The following AHRR variants were observed in gnomAD, a reference collection of about 807,000 sequenced individuals.
AHRR encodes ahR repressor.
Under a neutral mutation model 44.0 loss-of-function variants are expected in AHRR, and 28 were observed. The ratio of observed to expected loss-of-function variants is 0.64; its 90% confidence interval spans 0.47 to 0.87. The LOEUF is 0.87. Ranked by LOEUF, AHRR falls within the 40% of genes least tolerant of loss-of-function variation. AHRR has a pLI of 0.00. For synonymous variants in AHRR, 434 were observed against 407.0 expected, an observed-to-expected ratio of 1.07 and a Z score of -0.80; for missense variants, 990 against 953.9, an observed-to-expected ratio of 1.04 and a Z score of -0.50.
At chr5:354,002 T>G in intron 3 of AHRR, 91 bp downstream of exon 3, 1 of 1,380,354 alleles carries the variant, frequency 7.2e-7, no homozygotes, top group African/African-American at 1.4e-5. Flanking sequence ...GTGAAGTGTG[T>G]CTGGTGGGTT....
chr5:433,217 G>A (rs114653486), intron 10 of AHRR, among the ~76,000 whole-genome samples: 1,918 of 152,088 alleles, frequency 0.013, 40 homozygotes, highest in African/African-American at 0.043. Context: ...TCTGGGACCC[G>A]CCCTCACCTG....
At chr5:369,681 C>G (rs1222874630) in intron 3 of AHRR, among the ~76,000 whole-genome samples, 1 of 152,244 alleles carries the variant, frequency 6.6e-6, no homozygotes, top group Non-Finnish European at 1.5e-5. Flanking sequence ...TAAACCTTTC[C>G]TGTGCAGAAG....
intron 3 of AHRR, 68 bp from the exon 4 acceptor site, chr5:376,542 A>G (rs1733678044): frequency 5.0e-6 from 7 of 1,386,968 alleles, no homozygotes; most frequent in South Asian, 1.4e-5. Flanking sequence ...CACAGGAAAG[A>G]TGTGAATGAA....
In AHRR at chr5:432,709, A is replaced by G. The variant is rs995172911; in HGVS notation, c.971-97A>G. ...GGCTCTGGTCTGTGCATTTCTGAGG[A>G]GCCGATGGGTCCTGCCTTGCTGAGA... On this transcript the variant is annotated intron_variant, in intron 9 of 10. Coordinates refer to ENST00000684583, the MANE Select transcript of AHRR (RefSeq NM_001377236.1). The G allele has an allele frequency of 9.4e-6, 15 of 1,590,924 alleles. No individual in the cohort carries two copies. In the Admixed American group the frequency reaches 2.2e-4, roughly 23 times the overall value.
intron 3 of AHRR, among the ~76,000 whole-genome samples, chr5:374,148 G>C (rs1400352089): frequency 6.6e-6 from 1 of 152,114 alleles, no homozygotes; most frequent in Non-Finnish European, 1.5e-5. Flanking sequence ...GGGTGACCCA[G>C]GCGTGTGCCC....
chr5:383,803 G>C lies in AHRR; in HGVS notation c.351+7087G>C, dbSNP rs1393657793. On this transcript the variant is annotated intron_variant, in intron 4 of 10. Transcript: ENST00000684583. This position sits in a 1 kb window ranked among gnomAD's most constrained non-coding sequence, Gnocchi z 4.0. ...AGTCTAGAACTCTTGGCCTCAAGCT[G>C]TCCTCCCACCCCCGGCCTCCCAAAG... is the stretch of plus-strand genomic sequence containing the variant. Among the ~76,000 whole-genome samples the C allele has an allele frequency of 6.6e-6, 1 of 152,080 alleles. No individual in the cohort carries two copies. The highest frequency in any genetic ancestry group is 1.5e-5 in the Non-Finnish European group (1 of 68,016).
rs141147704 is a variant in AHRR, at chr5:428,199, G to C, written c.908+193G>C. Among the ~76,000 whole-genome samples the C allele has an allele frequency of 1.4e-3, 208 of 152,360 alleles. 13 individuals are homozygous for C. The East Asian group carries it at 0.019, about 14-fold the overall frequency. On this transcript the variant is annotated intron_variant, in intron 8 of 10. Transcript: ENST00000684583. ...AACAATGTTTTTCAAACTCGTATTT[G>C]CAAACTGGCACCAAACGTTGCCTGT...
At position 435,956 on chromosome 5, in the gene AHRR, C is replaced by G. The variant is rs1237089033; in HGVS notation, c.*1122C>G. On this transcript the variant is annotated 3_prime_UTR_variant, in exon 11 of 11. Transcript: ENST00000684583. ...CCTACAGCTGATGGTGCATTTCAGG[C>G]TTCTTCCACGGTCTGGCCTGGAACC... 7 of 152,800 alleles carry G rather than the reference C, an allele frequency of 4.6e-5. No homozygotes were observed. The highest frequency in any genetic ancestry group is 1.7e-4 in the African/African-American group (7 of 41,462). 9.5% of individuals were successfully genotyped at this position (152,800 alleles called of 1,614,324 possible).
intron 4 of AHRR, among the ~76,000 whole-genome samples, chr5:391,373 T>TGCAGGGCGAGGCAGGGCCAGAGCGTGCAC (rs1560904212): frequency 1.4e-5 from 1 of 70,428 alleles, no homozygotes; most frequent in Admixed American, 1.4e-4. Flanking sequence ...AGAGCGTGCA[T>TGCAGGGCGAGGCAGGGCCAGAGCGTGCAC]GGGCGCAGGG....
At position 423,829 on chromosome 5, in the gene AHRR, T is replaced by C; in HGVS notation, c.572-12T>C. On this transcript the variant is annotated splice_polypyrimidine_tract_variant and intron_variant, in intron 6 of 10. Coordinates refer to ENST00000684583, the MANE Select transcript of AHRR (RefSeq NM_001377236.1). ...TCCCACCGCCACGCCCCTTGGCCCC[T>C]ATGGTCTGCAGGAGATGATGCTATC... 6.3e-7 allele frequency: 1 copy of C among 1,592,810 alleles called. No individual in the cohort carries two copies.
At position 432,464 on chromosome 5, in the gene AHRR, G is replaced by A. The variant is rs780681836; in HGVS notation, c.910G>A (p.Val304Ile). ...CATGTTCATCTGTGTTCTTCACAGA[G>A]TAAAAGCCACCACCAGTCTGTGCGA... ...ADTAATADAK[V>I]KATTSLCESE... The change falls in exon 9 of 11, where the codon GTA (valine) becomes ATA (isoleucine). Residue 304 changes from valine (V) to isoleucine (I), a missense_variant and splice_region_variant. Transcript: ENST00000684583. The A allele has an allele frequency of 1.9e-6, 3 of 1,614,146 alleles. No homozygotes were observed. Among genetic ancestry groups the A allele is most frequent in the Non-Finnish European group, 1.7e-6 (2 of 1,179,982 alleles).
chr5:363,513 G>A (rs969456384), intron 3 of AHRR, among the ~76,000 whole-genome samples: 4 of 152,204 alleles, frequency 2.6e-5, no homozygotes, highest in African/African-American at 9.7e-5. Flanking sequence ...TCCCAGGCCA[G>A]TGTTCAGGCA....
chr5:322,289 C>T (rs1465645559), intron 1 of AHRR, among the ~76,000 whole-genome samples: 1 of 152,178 alleles, frequency 6.6e-6, no homozygotes, highest in African/African-American at 2.4e-5. Context: ...ATTCCCAGAC[C>T]GGATGCCCTG....
intron 4 of AHRR, among the ~76,000 whole-genome samples, chr5:381,506 CTTTTTTTTT>C (rs781159124): frequency 1.5e-4 from 7 of 46,892 alleles, no homozygotes; most frequent in South Asian, 1.1e-3. Context: ...CTTAGGTTTG[CTTTTTTTTT>C]TTTTTTTTTT....
In AHRR at chr5:387,123, T is replaced by C. The variant is rs1734198813; in HGVS notation, c.351+10407T>C. On this transcript the variant is annotated intron_variant, in intron 4 of 10. Transcript: ENST00000684583. This position sits in a 1 kb window ranked among gnomAD's most constrained non-coding sequence, Gnocchi z 5.1. ...TTGGGGCCTTGGGCACAGGTTCACG[T>C]CAGTGCAGCTCAAAGTGCTTTACGC... 6.6e-6 allele frequency among the ~76,000 whole-genome samples: 1 copy of C among 152,222 alleles called. No homozygotes were observed. The highest frequency in any genetic ancestry group is 2.4e-5 in the African/African-American group (1 of 41,444).
At chr5:363,187 T>G (rs1560892129) in intron 3 of AHRR, among the ~76,000 whole-genome samples, 1 of 152,202 alleles carries the variant, frequency 6.6e-6, no homozygotes, top group African/African-American at 2.4e-5. Flanking sequence ...TAGCTATGGC[T>G]TCCAACCCTC....
Position 342,847 on chromosome 5 carries a change from G to T in AHRR, c.-10-1046G>T, listed in dbSNP as rs914660344. Among the ~76,000 whole-genome samples, 1 of 152,248 alleles carries T rather than the reference G, an allele frequency of 6.6e-6. No individual in the cohort carries two copies. The highest frequency in any genetic ancestry group is 2.1e-4 in the South Asian group (1 of 4,830). On this transcript the variant is annotated intron_variant, in intron 1 of 10. Coordinates refer to ENST00000684583, the MANE Select transcript of AHRR (RefSeq NM_001377236.1). The surrounding 1 kb of genome is among the most constrained non-coding windows in gnomAD (Gnocchi z 4.3). ...AGGCAAGCTGACCAGCCTGGGCACA[G>T]ATACTGGGCTGCTCCTCAGGGGCCC...
intron 4 of AHRR, among the ~76,000 whole-genome samples, chr5:384,014 C>A (rs939231254): frequency 6.6e-6 from 1 of 151,916 alleles, no homozygotes; most frequent in Non-Finnish European, 1.5e-5. Flanking sequence ...CTGACAATCT[C>A]TGTCTTCTAA....
At chr5:359,487 G>C (rs1464400599) in intron 3 of AHRR, among the ~76,000 whole-genome samples, 2 of 152,222 alleles carry the variant, frequency 1.3e-5, no homozygotes, top group Admixed American at 6.5e-5. Context: ...GCACAGAGGT[G>C]TGTGTTCTTG....
Sources: allele counts gnomAD v4.1 joint callset (sites outside exome capture counted in the v4.1 genomes callset), GRCh38; gene constraint gnomAD v4.1.1; non-coding constraint Gnocchi (gnomAD v3.1); transcripts MANE v1.5; gene names NCBI Gene and HGNC (gene_info 2026-07-23, HGNC 2026-07-21).